Variants in FOXN3 observed in about 807,000 individuals in gnomAD.
The protein encoded by FOXN3 is forkhead box N3, also known as forkhead box protein N3.
In FOXN3, 7 loss-of-function variants were observed where a neutral mutation model predicts 38.4. That is an observed-to-expected ratio of 0.18 (90% CI 0.10 to 0.34). The LOEUF (loss-of-function observed/expected upper bound fraction) is 0.34. FOXN3 is among the 10% of genes least tolerant of loss of function. FOXN3 has a pLI of 1.00. For synonymous variants in FOXN3, 230 were observed against 242.2 expected, an observed-to-expected ratio of 0.95 and a Z score of 0.47; for missense variants, 456 against 613.4, an observed-to-expected ratio of 0.74 and a Z score of 2.71.
chr14:89,314,254 T>C (rs1303472217), intron 3 of FOXN3, among the ~76,000 whole-genome samples: 1 of 152,192 alleles, frequency 6.6e-6, no homozygotes, highest in African/African-American at 2.4e-5. Context: ...ATATATTGAC[T>C]TAATAATTAG....
chr14:89,325,268 T>TCACCAAAACCAA (rs1888026019), intron 3 of FOXN3, among the ~76,000 whole-genome samples: 2 of 59,572 alleles, frequency 3.4e-5, no homozygotes, highest in African/African-American at 8.2e-5. Flanking sequence ...ACCACCACCA[T>TCACCAAAACCAA]CACCAACACC....
At chr14:89,597,591 G>A (rs1425534459) in intron 1 of FOXN3, among the ~76,000 whole-genome samples, 2 of 152,080 alleles carry the variant, frequency 1.3e-5, no homozygotes, top group African/African-American at 4.8e-5. Context: ...ATTTCTCCTT[G>A]TAGGTCTTAT....
At chr14:89,369,785 G>A (rs972528616) in intron 2 of FOXN3, among the ~76,000 whole-genome samples, 13 of 152,090 alleles carry the variant, frequency 8.5e-5, no homozygotes, top group Admixed American at 2.6e-4. Flanking sequence ...CCTCCCCCTA[G>A]GTCCCTCCCC....
intron 4 of FOXN3, among the ~76,000 whole-genome samples, chr14:89,260,194 G>GT (rs1311259451): frequency 6.6e-6 from 1 of 152,192 alleles, no homozygotes; most frequent in Non-Finnish European, 1.5e-5. Context: ...CGGTGCTTAC[G>GT]TAACTGCTCC....
At chr14:89,191,751 CAA>C (rs564577421) in intron 4 of FOXN3, among the ~76,000 whole-genome samples, 19 of 107,084 alleles carry the variant, frequency 1.8e-4, no homozygotes, top group Admixed American at 3.9e-4. Flanking sequence ...AACAGGGTCT[CAA>C]AAAAAAAAAA....
intron 1 of FOXN3, among the ~76,000 whole-genome samples, chr14:89,536,691 T>C (rs1381039859): frequency 6.6e-6 from 1 of 151,988 alleles, no homozygotes; most frequent in Non-Finnish European, 1.5e-5. Flanking sequence ...GGCAGGAGAA[T>C]CGCTTGAACC....
intron 1 of FOXN3, among the ~76,000 whole-genome samples, chr14:89,458,496 C>T (rs2139723692): frequency 6.6e-6 from 1 of 152,288 alleles, no homozygotes; most frequent in East Asian, 1.9e-4. Flanking sequence ...CTTCATGATG[C>T]CCTCTTACCA....
At chr14:89,284,750 C>T (rs1417564062) in intron 3 of FOXN3, among the ~76,000 whole-genome samples, 1 of 152,194 alleles carries the variant, frequency 6.6e-6, no homozygotes, top group Non-Finnish European at 1.5e-5. Flanking sequence ...AGAAAGCAGA[C>T]CAACAGGTTA....
At chr14:89,483,228 G>A (rs1893376513) in intron 1 of FOXN3, among the ~76,000 whole-genome samples, 2 of 152,044 alleles carry the variant, frequency 1.3e-5, no homozygotes, top group Admixed American at 6.6e-5. Context: ...AAGAATGGGT[G>A]TACATTCTCA....
At chr14:89,233,847 A>AG (rs1199316392) in intron 4 of FOXN3, among the ~76,000 whole-genome samples, 1 of 152,252 alleles carries the variant, frequency 6.6e-6, no homozygotes, top group Non-Finnish European at 1.5e-5. Context: ...AATGAACTCA[A>AG]GGCCTTTGGC....
chr14:89,198,159 A>G (rs539664941), intron 4 of FOXN3, among the ~76,000 whole-genome samples: 1 of 152,332 alleles, frequency 6.6e-6, no homozygotes, highest in Non-Finnish European at 1.5e-5. Context: ...CTATGTAGTG[A>G]GATGATGGCC....
In FOXN3 at chr14:89,515,006, G is replaced by C. The variant is rs924744585; in HGVS notation, c.-14-102516C>G. 6.6e-5 allele frequency among the ~76,000 whole-genome samples: 10 copies of C among 150,900 alleles called. No individual in the cohort carries two copies. In the Admixed American group the frequency reaches 6.6e-4, roughly 10 times the overall value. The stretch of plus-strand genomic sequence containing the variant: ...ACAATCTCGGCTCATTGCAACCTCC[G>C]CATCCGGAGTTCAAGCAATTCTCCT... On this transcript the variant is annotated intron_variant, in intron 1 of 6. Coordinates refer to the FOXN3 transcript ENST00000345097.
intron 4 of FOXN3, among the ~76,000 whole-genome samples, chr14:89,213,338 C>T (rs1219688134): frequency 6.6e-5 from 10 of 152,326 alleles, no homozygotes; most frequent in Non-Finnish European, 7.4e-5. Flanking sequence ...AAGACAGGGG[C>T]TCATTCTTAG....
intron 4 of FOXN3, among the ~76,000 whole-genome samples, chr14:89,277,556 G>T (rs1299059425): frequency 6.6e-6 from 1 of 152,164 alleles, no homozygotes; most frequent in African/African-American, 2.4e-5. Context: ...CCTCGAAACC[G>T]AGAGGTGATT....
intron 2 of FOXN3, among the ~76,000 whole-genome samples, chr14:89,399,651 C>T (rs528654883): frequency 2.0e-5 from 3 of 152,332 alleles, no homozygotes; most frequent in Admixed American, 2.0e-4. Context: ...TTTCAACTGA[C>T]AGCGACTACT....
At chr14:89,297,004 T>A (rs1336934452) in intron 3 of FOXN3, among the ~76,000 whole-genome samples, 2 of 152,176 alleles carry the variant, frequency 1.3e-5, no homozygotes, top group Non-Finnish European at 2.9e-5. Flanking sequence ...CCTGCTGTGC[T>A]AGTGTGGATC....
At chr14:89,388,449 C>T (rs1890850960) in intron 2 of FOXN3, among the ~76,000 whole-genome samples, 1 of 152,180 alleles carries the variant, frequency 6.6e-6, no homozygotes, top group Admixed American at 6.5e-5. Flanking sequence ...GAGCTTGGCT[C>T]TGCCCTTATC....
intron 3 of FOXN3, among the ~76,000 whole-genome samples, chr14:89,323,301 A>AAAAAG (rs1887947128): frequency 1.4e-5 from 2 of 142,976 alleles, no homozygotes; most frequent in African/African-American, 5.2e-5. Flanking sequence ...AAAAAAAAAA[A>AAAAAG]AAAGAAAGAA....
intron 3 of FOXN3, among the ~76,000 whole-genome samples, chr14:89,337,114 C>T (rs2139994130): frequency 6.6e-6 from 1 of 152,238 alleles, no homozygotes; most frequent in East Asian, 1.9e-4. Flanking sequence ...TGGTATGCCG[C>T]CAGAATGCCT....
Sources: allele counts gnomAD v4.1 joint callset (sites outside exome capture counted in the v4.1 genomes callset), GRCh38; gene constraint gnomAD v4.1.1; transcripts MANE v1.5; gene names NCBI Gene and HGNC (gene_info 2026-07-23, HGNC 2026-07-21).